SLC25A33: variants seen among roughly 807,000 people sequenced by gnomAD.
The protein encoded by SLC25A33 is bone marrow stromal cell mitochondrial carrier protein.
In SLC25A33, 15 loss-of-function variants were observed where a neutral mutation model predicts 35.5. The observed-to-expected ratio is 0.42, with a 90% confidence interval of 0.28 to 0.65. SLC25A33 has a LOEUF of 0.65. Ranked by LOEUF, SLC25A33 falls within the 30% of genes least tolerant of loss-of-function variation. SLC25A33 has a pLI of 0.20. For synonymous variants in SLC25A33, 136 were observed against 148.7 expected, an observed-to-expected ratio of 0.91 and a Z score of 0.62; for missense variants, 257 against 398.5, an observed-to-expected ratio of 0.64 and a Z score of 3.02.
At chr1:9,580,871 T>TA (rs1385016419) in intron 6 of SLC25A33, among the ~76,000 whole-genome samples, 3 of 109,084 alleles carry the variant, frequency 2.8e-5, no homozygotes, top group African/African-American at 6.7e-5. Context: ...AAAAAAATAA[T>TA]AATAATAATA....
At position 9,553,665 on chromosome 1, in the gene SLC25A33, A is replaced by G. The variant is rs762034104; in HGVS notation, c.96A>G (p.Leu32=). 4.3e-6 allele frequency: 7 copies of G among 1,613,958 alleles called. No individual in the cohort carries two copies. Among genetic ancestry groups the G allele is most frequent in the Non-Finnish European group, 5.9e-6 (7 of 1,180,036 alleles). ...TTGGTGCTATTTTCACTTGTCCACT[A>G]GAAGTCATTAAGACACGGTTGCAGT... is the stretch of plus-strand genomic sequence containing the variant. The part of the protein sequence containing the change: ...GTVGAIFTCP[L]EVIKTRLQSS... The change falls in exon 2 of 7, where the codon CTA becomes CTG. Residue 32 remains leucine, a synonymous_variant. Transcript: ENST00000302692.
Position 9,539,756 on chromosome 1 carries a change from C to A in SLC25A33, c.56+9C>A. On this transcript the variant is annotated intron_variant, in intron 1 of 6. Transcript: ENST00000302692. Reference sequence around the variant, plus strand: ...CACCTCTTCGCCGGCGGGTGAGTTCCCGGGCCCAGCCGCGCGCGCCCCACC... The same window carrying A: ...CACCTCTTCGCCGGCGGGTGAGTTCACGGGCCCAGCCGCGCGCGCCCCACC... 2 of 1,375,968 alleles carry A rather than the reference C, an allele frequency of 1.5e-6. No homozygotes were observed. Among genetic ancestry groups the A allele is most frequent in the Non-Finnish European group, 1.9e-6 (2 of 1,062,642 alleles). The allele number at this position is 1,375,968 out of a possible 1,614,324, so 85.2% of individuals were successfully genotyped here.
At chr1:9,580,870 AT>A (rs1643736559) in intron 6 of SLC25A33, among the ~76,000 whole-genome samples, 113 of 109,254 alleles carry the variant, frequency 1.0e-3, no homozygotes, top group Non-Finnish European at 1.7e-3. Context: ...AAAAAAAATA[AT>A]AATAATAATA....
At chr1:9,544,295 ATC>A (rs1007239082) in intron 1 of SLC25A33, among the ~76,000 whole-genome samples, 6 of 147,290 alleles carry the variant, frequency 4.1e-5, no homozygotes, top group African/African-American at 7.5e-5. Context: ...TTGAAGCAGC[ATC>A]TCTCTGTGTA....
At chr1:9,557,778 AT>A (rs1557528569) in intron 2 of SLC25A33, among the ~76,000 whole-genome samples, 1 of 152,058 alleles carries the variant, frequency 6.6e-6, no homozygotes, top group African/African-American at 2.4e-5. Context: ...AAAACCACAC[AT>A]TTAGCACTTT....
At chr1:9,581,420 T>C (rs892704907) in intron 6 of SLC25A33, among the ~76,000 whole-genome samples, 1 of 152,342 alleles carries the variant, frequency 6.6e-6, no homozygotes, top group Non-Finnish European at 1.5e-5. Flanking sequence ...ATTTTAACAT[T>C]AAGTCTCATT....
chr1:9,570,684 G>GAT (rs1643576487), intron 4 of SLC25A33, among the ~76,000 whole-genome samples: 1 of 144,668 alleles, frequency 6.9e-6, no homozygotes. Context: ...GATAGATATA[G>GAT]ATAGATAGAT....
intron 1 of SLC25A33, among the ~76,000 whole-genome samples, chr1:9,548,765 G>T (rs1262900315): frequency 6.6e-6 from 1 of 152,132 alleles, no homozygotes; most frequent in Non-Finnish European, 1.5e-5. Flanking sequence ...ACTATGTGAG[G>T]CTAACGCTGT....
chr1:9,549,201 G>T (rs553643500), intron 1 of SLC25A33, among the ~76,000 whole-genome samples: 1 of 152,218 alleles, frequency 6.6e-6, no homozygotes, highest in Non-Finnish European at 1.5e-5. Context: ...AACTCCTAGC[G>T]GTCCCATTGG....
At chr1:9,541,648 A>G (rs995155088) in intron 1 of SLC25A33, among the ~76,000 whole-genome samples, 2 of 150,138 alleles carry the variant, frequency 1.3e-5, no homozygotes, top group Non-Finnish European at 3.0e-5. Context: ...GCCACTCTAT[A>G]TAAATTTGTC....
intron 5 of SLC25A33, chr1:9,576,666 A>G (rs1350082400): frequency 1.6e-6 from 1 of 631,654 alleles, no homozygotes; most frequent in Non-Finnish European, 3.1e-6. Context: ...AGGGTGTTAC[A>G]CTGGGCTTCT....
In SLC25A33 at chr1:9,564,743, T is replaced by A. The variant is rs1048042990; in HGVS notation, c.237-2541T>A. Among the ~76,000 whole-genome samples, 643 of 94,908 alleles carry A rather than the reference T, an allele frequency of 6.8e-3. 6 individuals carry two copies. The highest frequency in any genetic ancestry group is 0.028 in the South Asian group (76 of 2,730). 62.3% of individuals were successfully genotyped at this position (94,908 alleles called of 152,430 possible). A position where few individuals can be genotyped will look rare whatever the true frequency, so the allele number is the denominator to read the frequency against. On this transcript the variant is annotated intron_variant, in intron 2 of 6. Coordinates refer to ENST00000302692, the MANE Select transcript of SLC25A33 (RefSeq NM_032315.3). ...CTCTATTTAAAAAAAAAAAAAAATA[T>A]ATATATATATATATATATATATACA...
intron 1 of SLC25A33, among the ~76,000 whole-genome samples, chr1:9,545,009 T>A (rs1296823850): frequency 6.6e-6 from 1 of 152,190 alleles, no homozygotes; most frequent in Non-Finnish European, 1.5e-5. Context: ...AGTAGTAACG[T>A]TGTAGTTTTA....
rs756048542 is a variant in SLC25A33 at position 9,582,494 on chromosome 1, C to T, written c.959C>T (p.Thr320Ile). 9 of 1,611,804 alleles carry T rather than the reference C, an allele frequency of 5.6e-6. No individual in the cohort carries two copies. In the East Asian group the frequency reaches 1.3e-4, roughly 24 times the overall value. ...ATTGTGTACCTGTTAGAAGACCGTA[C>T]TCAGTAACAGGCCGGAAAATTGTGC... ...ELIVYLLEDR[T>I]Q Residue 320 changes from threonine to isoleucine, a missense_variant, in exon 7 of 7, where the codon ACT becomes ATT. Thr to Ile is a moderately conservative substitution (Grantham distance 89, BLOSUM62 -1). Coordinates refer to ENST00000302692, the MANE Select transcript of SLC25A33 (RefSeq NM_032315.3). The surrounding 1 kb of genome is among the most constrained non-coding windows in gnomAD (Gnocchi z 4.0).
rs553305714 is a variant in SLC25A33 at position 9,584,340 on chromosome 1, T to C, written c.*1839T>C. On this transcript the variant is annotated 3_prime_UTR_variant, in exon 7 of 7. Coordinates refer to ENST00000302692, the MANE Select transcript of SLC25A33 (RefSeq NM_032315.3). ...ACAACTACGTAGAAGTCAAAATGAG[T>C]GACTTTAGTGAAGCTTCTGTACTTT... is the stretch of plus-strand genomic sequence containing the variant. The C allele has an allele frequency of 6.6e-6, 1 of 152,220 alleles. No homozygotes were observed. The highest frequency in any genetic ancestry group is 6.5e-5 in the Admixed American group (1 of 15,294). The allele number at this position is 152,220 out of a possible 1,614,324, so 9.4% of individuals were successfully genotyped here. A position where few individuals can be genotyped will look rare whatever the true frequency, so the allele number is the denominator to read the frequency against.
chr1:9,576,633 T>C, intron 5 of SLC25A33: 1 of 601,406 alleles, frequency 1.7e-6, no homozygotes, highest in Admixed American at 1.9e-5. Flanking sequence ...GAACTGTTGG[T>C]AGTTATGTGC....
chr1:9,549,440 G>A (rs1234840695), intron 1 of SLC25A33, among the ~76,000 whole-genome samples: 1 of 94,044 alleles, frequency 1.1e-5, no homozygotes, highest in Non-Finnish European at 2.0e-5. Context: ...CTGATGGTGG[G>A]ATCAATGCGG....
At chr1:9,563,220 G>A (rs534353861) in intron 2 of SLC25A33, among the ~76,000 whole-genome samples, 8 of 152,174 alleles carry the variant, frequency 5.3e-5, no homozygotes, top group East Asian at 1.9e-4. Flanking sequence ...CACCGCGCCC[G>A]GCCGATTCTT....
At chr1:9,569,778 G>A (rs980446237) in intron 3 of SLC25A33, among the ~76,000 whole-genome samples, 2 of 152,092 alleles carry the variant, frequency 1.3e-5, no homozygotes, top group South Asian at 2.1e-4. Context: ...AGGGGGTGGC[G>A]GAAGGGCCCT....
Sources: gnomAD v4.1 joint callset for allele counts (sites outside exome capture counted in the v4.1 genomes callset) on GRCh38, gnomAD v4.1.1 for gene constraint, Gnocchi (gnomAD v3.1) non-coding constraint, MANE v1.5 for transcripts, NCBI Gene and HGNC (gene_info 2026-07-23, HGNC 2026-07-21) for gene names.